Variants in OCA2 observed in about 807,000 individuals in gnomAD.
OCA2 encodes OCA2 melanosomal transmembrane protein, also known as P protein.
Under a neutral mutation model 100.2 loss-of-function variants are expected in OCA2, and 77 were observed. That is an observed-to-expected ratio of 0.77 (90% CI 0.64 to 0.93). The LOEUF is 0.93. Ranked by LOEUF, OCA2 falls within the 40% of genes least tolerant of loss-of-function variation. OCA2 has a pLI of 0.00. For synonymous variants in OCA2, 432 were observed against 439.2 expected, an observed-to-expected ratio of 0.98 and a Z score of 0.21; for missense variants, 1,062 against 1,089.1, an observed-to-expected ratio of 0.98 and a Z score of 0.35.
At chr15:28,007,672 G>A (rs1366335895) in intron 9 of OCA2, among the ~76,000 whole-genome samples, 5 of 151,884 alleles carry the variant, frequency 3.3e-5, no homozygotes, top group Admixed American at 1.3e-4. Context: ...GGAGGTTGCA[G>A]TGAGCCGAGA....
chr15:28,019,706 G>A (rs960723895), intron 6 of OCA2, among the ~76,000 whole-genome samples: 2 of 152,140 alleles, frequency 1.3e-5, no homozygotes, highest in Non-Finnish European at 2.9e-5. Context: ...TCCTTGCTCA[G>A]AAGACAGCCC....
At chr15:28,012,089 A>G (rs1405415914) in intron 9 of OCA2, among the ~76,000 whole-genome samples, 2 of 152,226 alleles carry the variant, frequency 1.3e-5, no homozygotes, top group African/African-American at 4.8e-5. Context: ...AAAGCTCAAC[A>G]TTTTTAAAAA....
chr15:27,820,248 A>G lies in OCA2; in HGVS notation c.2432+24711T>C, dbSNP rs139094151. Among the ~76,000 whole-genome samples the G allele has an allele frequency of 4.3e-3, 661 of 152,310 alleles. 5 individuals are homozygous for G. The highest frequency in any genetic ancestry group is 0.015 in the African/African-American group (629 of 41,560). On this transcript the variant is annotated intron_variant, in intron 23 of 23. Coordinates refer to ENST00000354638, the MANE Select transcript of OCA2 (RefSeq NM_000275.3). ...CCTCGAGCGGGGAGCAAAGCTCCCT[A>G]CCCGTTAAGTGTTGCTTGCTCGTGG...
chr15:28,021,274 A>G (rs1325877443), intron 6 of OCA2, among the ~76,000 whole-genome samples: 1 of 152,094 alleles, frequency 6.6e-6, no homozygotes, highest in Non-Finnish European at 1.5e-5. Flanking sequence ...GTCCATTCCA[A>G]AATAGGCTCT....
Position 27,824,602 on chromosome 15 carries a change from C to CTCTCTCTCTCTATATATATATA in OCA2, c.2432+20356_2432+20357insTATATATATATAGAGAGAGAGA. ...TTTCTCTCTCTCTCTCTCTCTCTCT[C>CTCTCTCTCTCTATATATATATA]TATATATATATATATATATAATATA... On this transcript the variant is annotated intron_variant, in intron 23 of 23. Coordinates refer to ENST00000354638, the MANE Select transcript of OCA2 (RefSeq NM_000275.3). Among the ~76,000 whole-genome samples, 44 of 47,584 alleles carry CTCTCTCTCTCTATATATATATA rather than the reference C, an allele frequency of 9.2e-4. 1 individual carries two copies. Among genetic ancestry groups the CTCTCTCTCTCTATATATATATA allele is most frequent in the African/African-American group, 2.2e-3 (14 of 6,320 alleles). The allele number at this position is 47,584 out of a possible 152,430, so 31.2% of individuals were successfully genotyped here.
In OCA2 at chr15:27,896,638, C is replaced by CAA. The variant is rs58489908; in HGVS notation, c.2080-24718_2080-24717dup. On this transcript the variant is annotated intron_variant, in intron 19 of 23. Transcript: ENST00000354638. Reference sequence around the variant, plus strand: ...ATGAAGATCATAAACTTATTGACAGCAAAAAAAAAAAAAAAAAATGAACTT... The same window carrying CAA: ...ATGAAGATCATAAACTTATTGACAGCAAAAAAAAAAAAAAAAAAAATGAACTT... The CAA allele has an allele frequency of 5.9e-3, 835 of 141,476 alleles. 12 individuals are homozygous for CAA. The highest frequency in any genetic ancestry group is 0.02 in the African/African-American group (753 of 37,300). 8.8% of individuals were successfully genotyped at this position (141,476 alleles called of 1,614,324 possible).
At chr15:27,799,646 G>C (rs888791310) in intron 23 of OCA2, among the ~76,000 whole-genome samples, 2 of 151,974 alleles carry the variant, frequency 1.3e-5, no homozygotes, top group African/African-American at 2.4e-5. Flanking sequence ...TCAGGAGGCA[G>C]AGACAGGAGA....
chr15:27,740,742 G>GC, the OCA2 span, among the ~76,000 whole-genome samples: 75 of 152,274 alleles, frequency 4.9e-4, no homozygotes, highest in African/African-American at 1.5e-3. Flanking sequence ...AGTGATCTCT[G>GC]CTCCCCGTGT....
At chr15:28,090,892 A>T (rs1486847490) in intron 1 of OCA2, among the ~76,000 whole-genome samples, 1 of 152,200 alleles carries the variant, frequency 6.6e-6, no homozygotes, top group Non-Finnish European at 1.5e-5. Context: ...GAAAAAAATC[A>T]ATGAAACCAA....
intron 2 of OCA2, among the ~76,000 whole-genome samples, chr15:28,068,456 T>C (rs558211141): frequency 2.6e-5 from 4 of 152,304 alleles, no homozygotes; most frequent in South Asian, 4.1e-4. Flanking sequence ...TGAAAGAACC[T>C]ATCAACCAAA....
intron 19 of OCA2, among the ~76,000 whole-genome samples, chr15:27,923,729 G>C (rs1208655129): frequency 1.3e-5 from 2 of 152,056 alleles, no homozygotes; most frequent in Non-Finnish European, 2.9e-5. Flanking sequence ...TTGTAAATTT[G>C]TTTAAGTTCC....
chr15:27,932,624 T>C (rs1255226592), intron 18 of OCA2, among the ~76,000 whole-genome samples: 1 of 152,100 alleles, frequency 6.6e-6, no homozygotes, highest in African/African-American at 2.4e-5. Flanking sequence ...TGGCTAAGTT[T>C]TGAAGGAGGG....
downstream of OCA2, among the ~76,000 whole-genome samples, chr15:27,750,341 C>T (rs2030025896): frequency 2.0e-5 from 3 of 152,074 alleles, no homozygotes; most frequent in Non-Finnish European, 4.4e-5. Flanking sequence ...ATATTACATC[C>T]CAGAGGATAA....
intron 13 of OCA2, among the ~76,000 whole-genome samples, chr15:27,983,991 GAT>G (rs1451522391): frequency 6.7e-6 from 1 of 148,794 alleles, no homozygotes; most frequent in South Asian, 2.2e-4. Context: ...AAACATACTA[GAT>G]ATATATATAC....
intron 2 of OCA2, among the ~76,000 whole-genome samples, chr15:28,044,174 TA>T (rs909695000): frequency 6.6e-6 from 1 of 152,088 alleles, no homozygotes; most frequent in Non-Finnish European, 1.5e-5. Context: ...ATATCCCACA[TA>T]AAAAAAGGGG....
At chr15:27,983,627 G>A (rs2041245218) in intron 13 of OCA2, 144 bp from the exon 14 acceptor site, 4 of 876,900 alleles carry the variant, frequency 4.6e-6, no homozygotes, top group Non-Finnish European at 7.4e-6. Context: ...CAGTGCTGGG[G>A]GGAATGAACA....
chr15:28,009,181 C>G (rs942107861), intron 9 of OCA2, among the ~76,000 whole-genome samples: 1 of 152,194 alleles, frequency 6.6e-6, no homozygotes, highest in Non-Finnish European at 1.5e-5. Flanking sequence ...ACATACTATT[C>G]CTTTAACACC....
intron 18 of OCA2, chr15:27,950,431 C>G (rs2039989291): frequency 4.8e-6 from 2 of 415,798 alleles, no homozygotes; most frequent in African/African-American, 4.1e-5. Context: ...TAGATGTAAT[C>G]CACCAAATAC....
At chr15:28,018,664 C>G in intron 6 of OCA2, 107 bp from the exon 7 acceptor site, 1 of 1,014,694 alleles carries the variant, frequency 9.9e-7, no homozygotes, top group East Asian at 2.6e-5. Context: ...AAATGCGTTT[C>G]CCCAGGTGCC....
Sources: gnomAD v4.1 joint callset for allele counts (sites outside exome capture counted in the v4.1 genomes callset) on GRCh38, gnomAD v4.1.1 for gene constraint, MANE v1.5 for transcripts, NCBI Gene and HGNC (gene_info 2026-07-23, HGNC 2026-07-21) for gene names.